CNBD1: variants seen among roughly 807,000 people sequenced by gnomAD.
CNBD1 encodes cyclic nucleotide binding domain containing 1, also known as cyclic nucleotide-binding domain-containing protein 1.
A neutral mutation model predicts 54.4 loss-of-function variants in CNBD1; 71 were observed. That is an observed-to-expected ratio of 1.30 (90% CI 1.08 to 1.59). The LOEUF (loss-of-function observed/expected upper bound fraction) is 1.59. Among genes scored for constraint, CNBD1 ranks in the 40% most tolerant of loss-of-function variants. CNBD1 has a pLI of 0.00. For missense variants in CNBD1, 659 were observed against 518.0 expected (o/e 1.27, Z -2.64); for synonymous variants, 182 against 170.7 (o/e 1.07, Z -0.51).
At chr8:87,346,966 G>A (rs570409384) in intron 8 of CNBD1, among the ~76,000 whole-genome samples, 1 of 152,018 alleles carries the variant, frequency 6.6e-6, no homozygotes, top group African/African-American at 2.4e-5. Context: ...TTAATTCAGA[G>A]CCAGGACCAA....
At chr8:86,928,428 C>G (rs1228078186) in intron 3 of CNBD1, among the ~76,000 whole-genome samples, 1 of 152,118 alleles carries the variant, frequency 6.6e-6, no homozygotes, top group East Asian at 1.9e-4. Context: ...ATTGTGGTCT[C>G]CAGGCACAGT....
intron 4 of CNBD1, among the ~76,000 whole-genome samples, chr8:87,203,758 G>A (rs1813911734): frequency 6.6e-6 from 1 of 152,144 alleles, no homozygotes; most frequent in Non-Finnish European, 1.5e-5. Context: ...TTTCTGGTCT[G>A]CTAACATAAA....
chr8:87,256,773 C>G (rs1808033083), intron 6 of CNBD1, among the ~76,000 whole-genome samples: 1 of 88,858 alleles, frequency 1.1e-5, no homozygotes, highest in African/African-American at 5.6e-5. Context: ...TTAGTTTTCC[C>G]TTAAGGTTTA....
chr8:87,180,556 G>A (rs550684797), intron 4 of CNBD1, among the ~76,000 whole-genome samples: 1 of 152,164 alleles, frequency 6.6e-6, no homozygotes, highest in South Asian at 2.1e-4. Flanking sequence ...AAGTAACTCC[G>A]GAGGTGGTGT....
At chr8:87,246,828 AC>A (rs1290710255) in intron 6 of CNBD1, among the ~76,000 whole-genome samples, 5 of 152,220 alleles carry the variant, frequency 3.3e-5, no homozygotes, top group African/African-American at 9.6e-5. Flanking sequence ...TAAGAGCATT[AC>A]ACTTATTGTG....
At chr8:87,421,511 T>A (rs1403637161) in intron 2 of CNBD1, among the ~76,000 whole-genome samples, 2 of 147,786 alleles carry the variant, frequency 1.4e-5, no homozygotes, top group Non-Finnish European at 3.0e-5. Flanking sequence ...CACCTATGAG[T>A]GAGAATATGC....
intron 10 of CNBD1, among the ~76,000 whole-genome samples, chr8:87,360,214 A>C (rs1185781890): frequency 2.0e-5 from 3 of 151,944 alleles, no homozygotes; most frequent in African/African-American, 4.8e-5. Flanking sequence ...ATAAATGTTA[A>C]ATGCTCTACT....
intron 2 of CNBD1, among the ~76,000 whole-genome samples, chr8:86,893,527 C>T (rs1373085172): frequency 2.0e-5 from 3 of 152,202 alleles, no homozygotes; most frequent in East Asian, 1.9e-4. Context: ...TATAGATAAT[C>T]GCTAGGATTT....
intron 2 of CNBD1, among the ~76,000 whole-genome samples, chr8:87,420,102 C>T (rs1807905938): frequency 6.6e-6 from 1 of 151,614 alleles, no homozygotes; most frequent in Non-Finnish European, 1.5e-5. Flanking sequence ...ATATACCTTA[C>T]CACATTTACA....
At chr8:86,987,968 T>C (rs1227069694) in intron 4 of CNBD1, among the ~76,000 whole-genome samples, 2 of 152,126 alleles carry the variant, frequency 1.3e-5, no homozygotes, top group Non-Finnish European at 2.9e-5. Flanking sequence ...CCATTTGTGT[T>C]GTCAGTCTTC....
chr8:86,963,540 A>G (rs1279287692), intron 4 of CNBD1, among the ~76,000 whole-genome samples: 2 of 152,114 alleles, frequency 1.3e-5, no homozygotes, highest in Non-Finnish European at 2.9e-5. Flanking sequence ...CTGCTCTACC[A>G]TTGCCTCCCT....
chr8:87,224,121 C>T (rs1425555833), intron 5 of CNBD1, among the ~76,000 whole-genome samples: 6 of 151,738 alleles, frequency 4.0e-5, no homozygotes, highest in African/African-American at 1.5e-4. Flanking sequence ...TGTTTGAGTT[C>T]ATTGTAGATT....
intron 2 of CNBD1, among the ~76,000 whole-genome samples, chr8:87,399,013 C>T (rs1212993624): frequency 3.9e-5 from 6 of 151,902 alleles, no homozygotes; most frequent in Admixed American, 3.9e-4. Context: ...AAGGAGATCC[C>T]CTCCCTACCC....
At position 87,155,572 on chromosome 8, in the gene CNBD1, G is replaced by A. The variant is rs185079602; in HGVS notation, c.432-50421G>A. Among the ~76,000 whole-genome samples the A allele has an allele frequency of 1.3e-3, 200 of 152,300 alleles. 1 individual carries two copies. Among genetic ancestry groups the A allele is most frequent in the African/African-American group, 4.6e-3 (191 of 41,562 alleles). On this transcript the variant is annotated intron_variant, in intron 4 of 10. Coordinates refer to ENST00000518476, the MANE Select transcript of CNBD1 (RefSeq NM_173538.3). ...CTGATTAGATGTATGATATTTGAGA[G>A]AGACAATCTAGCACAACTCTCAGAT...
intron 4 of CNBD1, among the ~76,000 whole-genome samples, chr8:87,080,656 G>T (rs1180521890): frequency 6.6e-6 from 1 of 151,756 alleles, no homozygotes. Context: ...AGTTAAATAT[G>T]TTGTAGACTT....
chr8:86,923,807 A>G (rs2131827288), intron 3 of CNBD1, among the ~76,000 whole-genome samples: 1 of 152,310 alleles, frequency 6.6e-6, no homozygotes, highest in South Asian at 2.1e-4. Context: ...TAGAATAAAG[A>G]GAGCATTTAA....
chr8:86,955,827 T>C (rs1010053553), intron 4 of CNBD1, among the ~76,000 whole-genome samples: 4 of 152,226 alleles, frequency 2.6e-5, no homozygotes, highest in African/African-American at 4.8e-5. Context: ...AGAAGCTCTT[T>C]AGTTTAATTG....
Position 87,379,019 on chromosome 8 carries a change from T to G in CNBD1, c.1304-3601T>G, listed in dbSNP as rs941671075. 5.3e-4 allele frequency among the ~76,000 whole-genome samples: 80 copies of G among 150,452 alleles called. 2 individuals are homozygous for G. Among genetic ancestry groups the G allele is most frequent in the South Asian group, 1.3e-3 (6 of 4,768 alleles). ...ACATTGATTTTGTAAACTGAGACTTTGCTGAAGTTGCTTATCAGCTTAAGG... is the reference window on the plus strand; with the variant it reads ...ACATTGATTTTGTAAACTGAGACTTGGCTGAAGTTGCTTATCAGCTTAAGG... On this transcript the variant is annotated intron_variant, in intron 10 of 10. Coordinates refer to ENST00000518476, the MANE Select transcript of CNBD1 (RefSeq NM_173538.3).
At chr8:87,010,328 C>G (rs2130559426) in intron 4 of CNBD1, among the ~76,000 whole-genome samples, 1 of 152,236 alleles carries the variant, frequency 6.6e-6, no homozygotes. Flanking sequence ...TTCAGTCTGA[C>G]ATTGGTCTGT....
Sources: allele counts gnomAD v4.1 joint callset (sites outside exome capture counted in the v4.1 genomes callset), GRCh38; gene constraint gnomAD v4.1.1; transcripts MANE v1.5; gene names NCBI Gene and HGNC (gene_info 2026-07-23, HGNC 2026-07-21).